FHIT: variants seen among roughly 807,000 people sequenced by gnomAD.
The protein encoded by FHIT is fragile histidine triad diadenosine triphosphatase.
Under a neutral mutation model 17.9 loss-of-function variants are expected in FHIT, and 19 were observed. The observed-to-expected ratio is 1.06, with a 90% confidence interval of 0.74 to 1.56. FHIT has a LOEUF of 1.56. Among genes scored for constraint, FHIT ranks in the 40% most tolerant of loss-of-function variants. The pLI, the probability that FHIT is intolerant of heterozygous loss-of-function variation, is 0.00. For missense variants in FHIT, 248 were observed against 189.2 expected, an observed-to-expected ratio of 1.31 and a Z score of -1.82; for synonymous variants, 81 against 69.7, an observed-to-expected ratio of 1.16 and a Z score of -0.81.
intron 2 of FHIT, among the ~76,000 whole-genome samples, chr3:61,154,615 C>T (rs983212332): frequency 4.6e-5 from 7 of 152,160 alleles, no homozygotes; most frequent in African/African-American, 1.7e-4. Context: ...TTCTGAACGG[C>T]AGCGCGTGTC....
intron 3 of FHIT, among the ~76,000 whole-genome samples, chr3:60,961,374 T>C (rs1379721873): frequency 6.6e-6 from 1 of 152,248 alleles, no homozygotes; most frequent in Non-Finnish European, 1.5e-5. Flanking sequence ...TCCCATTCTG[T>C]AGGTTGCCTG....
chr3:60,877,417 T>C (rs1362595216), intron 3 of FHIT, among the ~76,000 whole-genome samples: 1 of 152,166 alleles, frequency 6.6e-6, no homozygotes, highest in Non-Finnish European at 1.5e-5. Flanking sequence ...GTGCTAGAGA[T>C]GAAGCAATAC....
chr3:60,602,174 G>A (rs959476994), intron 4 of FHIT, among the ~76,000 whole-genome samples: 5 of 152,130 alleles, frequency 3.3e-5, no homozygotes, highest in Non-Finnish European at 1.5e-5. Flanking sequence ...GAATCCATGG[G>A]TGGAAATGAT....
rs191541157 is a variant in FHIT at position 60,961,107 on chromosome 3, T to C, written c.-111+80940A>G. ...TCTCCAGCACCTGTTGTTTCCTGAT[T>C]TTTTAATGATTGCCATTCTAAATGG... On this transcript the variant is annotated intron_variant, in intron 3 of 9. Transcript: ENST00000492590. Among the ~76,000 whole-genome samples, 801 of 152,330 alleles carry C rather than the reference T, an allele frequency of 5.3e-3. 7 individuals are homozygous for C. The highest frequency in any genetic ancestry group is 0.018 in the African/African-American group (756 of 41,574).
rs1351403933 is a variant in FHIT at position 59,749,678 on chromosome 3, C to G, written c.*6-99G>C. On this transcript the variant is annotated intron_variant, in intron 9 of 9. Transcript: ENST00000492590. Reference sequence around the variant, plus strand: ...AGGCAAATGGTTAGCATCTGGTGCTCTGGGACTTTTGGTTACGAAGAAGTG... The same window carrying G: ...AGGCAAATGGTTAGCATCTGGTGCTGTGGGACTTTTGGTTACGAAGAAGTG... 1.7e-5 allele frequency: 4 copies of G among 229,412 alleles called. No individual in the cohort carries two copies. The East Asian group carries it at 2.5e-4, about 14-fold the overall frequency. 14.2% of individuals were successfully genotyped at this position (229,412 alleles called of 1,614,324 possible).
intron 5 of FHIT, among the ~76,000 whole-genome samples, chr3:60,532,495 A>G (rs1338217236): frequency 3.3e-5 from 5 of 152,198 alleles, no homozygotes; most frequent in African/African-American, 9.6e-5. Flanking sequence ...GCACTGAGAC[A>G]CAGGAATAAA....
At chr3:60,256,575 G>T (rs1473208055) in intron 5 of FHIT, among the ~76,000 whole-genome samples, 3 of 152,168 alleles carry the variant, frequency 2.0e-5, no homozygotes, top group African/African-American at 7.2e-5. Flanking sequence ...ACTTGCCTGA[G>T]GTTACACAAC....
intron 3 of FHIT, among the ~76,000 whole-genome samples, chr3:60,904,852 T>C (rs1553764121): frequency 6.6e-6 from 1 of 150,796 alleles, no homozygotes; most frequent in African/African-American, 2.4e-5. Flanking sequence ...AGGCAGAGAA[T>C]TGCTTGAACC....
At chr3:60,249,015 T>C (rs571766258) in intron 5 of FHIT, among the ~76,000 whole-genome samples, 1 of 152,276 alleles carries the variant, frequency 6.6e-6, no homozygotes, top group Admixed American at 6.5e-5. Flanking sequence ...ATCTTTTCAG[T>C]CAATCGAATA....
intron 5 of FHIT, among the ~76,000 whole-genome samples, chr3:60,031,072 T>A (rs1206870055): frequency 6.6e-6 from 1 of 152,180 alleles, no homozygotes; most frequent in Non-Finnish European, 1.5e-5. Flanking sequence ...GAAGTTTCAC[T>A]TTGCAGCAGC....
intron 3 of FHIT, among the ~76,000 whole-genome samples, chr3:60,975,069 C>T (rs999690445): frequency 5.3e-5 from 8 of 152,138 alleles, no homozygotes; most frequent in Admixed American, 5.2e-4. Context: ...AGAAAGGCTG[C>T]AAATAAAATG....
intron 5 of FHIT, among the ~76,000 whole-genome samples, chr3:60,224,506 T>C (rs1052994511): frequency 6.6e-6 from 1 of 152,102 alleles, no homozygotes; most frequent in African/African-American, 2.4e-5. Flanking sequence ...CTCACAAAGT[T>C]TCTCCTTATG....
chr3:60,354,024 T>TAG (rs1416942672), intron 5 of FHIT, among the ~76,000 whole-genome samples: 1 of 152,116 alleles, frequency 6.6e-6, no homozygotes, highest in African/African-American at 2.4e-5. Flanking sequence ...AGTAGGATTT[T>TAG]TCTATCACGA....
intron 2 of FHIT, among the ~76,000 whole-genome samples, chr3:61,060,016 G>A (rs1040811930): frequency 2.6e-5 from 4 of 152,110 alleles, no homozygotes; most frequent in African/African-American, 9.7e-5. Context: ...GTGTAGGTGA[G>A]TGGGTCCTGC....
At chr3:60,863,383 T>G (rs187367862) in intron 3 of FHIT, among the ~76,000 whole-genome samples, 3 of 152,362 alleles carry the variant, frequency 2.0e-5, no homozygotes, top group East Asian at 1.9e-4. Context: ...TGTATTGGGC[T>G]TCTGACTGCC....
intron 1 of FHIT, among the ~76,000 whole-genome samples, chr3:61,215,888 A>AT (rs2039658533): frequency 6.6e-6 from 1 of 152,248 alleles, no homozygotes; most frequent in African/African-American, 2.4e-5. Flanking sequence ...AAAACAAGCA[A>AT]TGGGGAAAGG....
At chr3:60,227,132 T>A (rs889505354) in intron 5 of FHIT, among the ~76,000 whole-genome samples, 3 of 152,068 alleles carry the variant, frequency 2.0e-5, no homozygotes, top group Admixed American at 6.6e-5. Context: ...ACCTAACACC[T>A]GTTAGAAAAA....
intron 8 of FHIT, among the ~76,000 whole-genome samples, chr3:59,801,649 T>C (rs1699997443): frequency 6.6e-6 from 1 of 152,148 alleles, no homozygotes. Context: ...GTATCAATGC[T>C]AGATACACCA....
chr3:60,300,094 C>T (rs1708387233), intron 5 of FHIT, among the ~76,000 whole-genome samples: 1 of 152,004 alleles, frequency 6.6e-6, no homozygotes, highest in Non-Finnish European at 1.5e-5. Context: ...CATATTGTTT[C>T]TTGTGTCTCC....
Sources: allele counts gnomAD v4.1 joint callset (sites outside exome capture counted in the v4.1 genomes callset), GRCh38; gene constraint gnomAD v4.1.1; transcripts MANE v1.5; gene names NCBI Gene and HGNC (gene_info 2026-07-23, HGNC 2026-07-21).